ZNF608: variants seen among roughly 807,000 people sequenced by gnomAD.
ZNF608 encodes the protein zinc finger protein 608, also known as renal carcinoma antigen NY-REN-36.
A neutral mutation model predicts 109.0 loss-of-function variants in ZNF608; 12 were observed. That is an observed-to-expected ratio of 0.11 (90% CI 0.07 to 0.18). The LOEUF (loss-of-function observed/expected upper bound fraction) is 0.18, where lower values mean the gene tolerates loss of function less well. Among genes scored for constraint, ZNF608 ranks in the 10% least tolerant of loss-of-function variants. The pLI, the probability that ZNF608 is intolerant of heterozygous loss-of-function variation, is 1.00. For synonymous variants in ZNF608, 732 were observed against 717.4 expected (o/e 1.02, Z -0.33); for missense variants, 1,707 against 1,879.3 (o/e 0.91, Z 1.70).
At chr5:124,727,620 TTA>T (rs1230640530) in intron 2 of ZNF608, among the ~76,000 whole-genome samples, 1 of 141,066 alleles carries the variant, frequency 7.1e-6, no homozygotes, top group East Asian at 2.0e-4. Flanking sequence ...CACTTCTTAG[TTA>T]TAAAAGTCCC....
At chr5:124,691,683 A>G (rs1448059626) in intron 3 of ZNF608, among the ~76,000 whole-genome samples, 2 of 152,228 alleles carry the variant, frequency 1.3e-5, no homozygotes, top group African/African-American at 2.4e-5. Context: ...GACACCATGC[A>G]TGAGCCTTAA....
intron 3 of ZNF608, among the ~76,000 whole-genome samples, chr5:124,676,719 T>C (rs1751961092): frequency 6.6e-6 from 1 of 152,142 alleles, no homozygotes; most frequent in Non-Finnish European, 1.5e-5. Flanking sequence ...TAAATAATAA[T>C]GGTATATTCA....
At chr5:124,649,521 GCA>G (rs1475930230) in intron 4 of ZNF608, 87 bp downstream of exon 4, 2 of 1,060,822 alleles carry the variant, frequency 1.9e-6, no homozygotes, top group East Asian at 5.2e-5. Flanking sequence ...TCAATTACAG[GCA>G]CACTTTTATG....
chr5:124,743,974 C>A, intron 2 of ZNF608, 110 bp downstream of exon 2: 1 of 1,451,054 alleles, frequency 6.9e-7, no homozygotes, highest in Admixed American at 2.3e-5. Flanking sequence ...AGAAATCTCA[C>A]AAAGAACCAG....
intron 2 of ZNF608, among the ~76,000 whole-genome samples, chr5:124,742,374 C>T (rs1375728532): frequency 1.3e-5 from 2 of 152,200 alleles, no homozygotes; most frequent in African/African-American, 4.8e-5. Flanking sequence ...TTCCAAGCAG[C>T]CAGTGAATCC....
Position 124,720,793 on chromosome 5 carries a change from A to G in ZNF608, c.907-19524T>C, listed in dbSNP as rs1580692932. Among the ~76,000 whole-genome samples, 9 of 150,984 alleles carry G rather than the reference A, an allele frequency of 6.0e-5. No homozygotes were observed. In the South Asian group the frequency reaches 1.9e-3, roughly 32 times the overall value. On this transcript the variant is annotated intron_variant, in intron 2 of 9. Coordinates refer to ENST00000513986, the MANE Select transcript of ZNF608 (RefSeq NM_020747.3). ...CTCATAATATCTAATTACACTCCCAACTCCTGGGCTGGCTTTTTTTTCCTT... is the reference window on the plus strand; with the variant it reads ...CTCATAATATCTAATTACACTCCCAGCTCCTGGGCTGGCTTTTTTTTCCTT...
chr5:124,682,166 A>C (rs966534731), intron 3 of ZNF608, among the ~76,000 whole-genome samples: 2 of 152,142 alleles, frequency 1.3e-5, no homozygotes, highest in African/African-American at 2.4e-5. Flanking sequence ...TCCGCCTCCC[A>C]GGTTCAAGCG....
chr5:124,638,842 A>C (rs889453222), intron 9 of ZNF608: 1 of 1,141,944 alleles, frequency 8.8e-7, no homozygotes, highest in Non-Finnish European at 1.1e-6. Context: ...ATAATAAAAC[A>C]AAGGGAGTCA....
intron 2 of ZNF608, among the ~76,000 whole-genome samples, chr5:124,741,394 G>GAAAAAAAA (rs34192958): frequency 1.5e-5 from 1 of 68,428 alleles, no homozygotes; most frequent in African/African-American, 5.7e-5. Context: ...CTTCCAACCA[G>GAAAAAAAA]AAAAAAAAAA....
chr5:124,720,526 G>A (rs1376553970), intron 2 of ZNF608, among the ~76,000 whole-genome samples: 3 of 152,066 alleles, frequency 2.0e-5, no homozygotes, highest in Non-Finnish European at 4.4e-5. Context: ...AGACTTTCAT[G>A]GTAAACATGT....
In ZNF608 at chr5:124,644,452, T is replaced by C. The variant is rs371653020; in HGVS notation, c.3915A>G (p.Ser1305=). 18 of 1,614,068 alleles carry C rather than the reference T, an allele frequency of 1.1e-5. No homozygotes were observed. In the African/African-American group the frequency reaches 2.3e-4, roughly 20 times the overall value. ...CATTTTTCAGCTTGCTCTCCTCCAT[T>C]GATTGAGAATCAGGATGCTTGGCCT... ...PKEAKHPDSQ[S]MEESKLKNDD... Residue 1305 remains serine, a synonymous_variant, in exon 6 of 10, where the codon TCA becomes TCG. Coordinates refer to ENST00000513986, the MANE Select transcript of ZNF608 (RefSeq NM_020747.3).
chr5:124,671,924 C>T (rs1306848134), intron 3 of ZNF608, among the ~76,000 whole-genome samples: 3 of 152,168 alleles, frequency 2.0e-5, no homozygotes, highest in Non-Finnish European at 4.4e-5. Context: ...AGGCATGAGC[C>T]ATTGTGTCCA....
chr5:124,656,880 C>A (rs1377347985), intron 3 of ZNF608, among the ~76,000 whole-genome samples: 1 of 149,724 alleles, frequency 6.7e-6, no homozygotes, highest in East Asian at 2.0e-4. Flanking sequence ...TCCCCATGGG[C>A]CTTATGGTTT....
chr5:124,741,375 C>T (rs1259887396), intron 2 of ZNF608, among the ~76,000 whole-genome samples: 1 of 139,272 alleles, frequency 7.2e-6, no homozygotes, highest in Non-Finnish European at 1.5e-5. Context: ...TTATGAATCT[C>T]CTGTGAACCT....
chr5:124,686,754 A>G (rs1050322619), intron 3 of ZNF608, among the ~76,000 whole-genome samples: 9 of 152,240 alleles, frequency 5.9e-5, no homozygotes, highest in Non-Finnish European at 1.3e-4. Flanking sequence ...AGTTACTTCA[A>G]AAGTTGTCTG....
chr5:124,677,760 T>A (rs1311798858), intron 3 of ZNF608, among the ~76,000 whole-genome samples: 1 of 152,128 alleles, frequency 6.6e-6, no homozygotes, highest in African/African-American at 2.4e-5. Context: ...ACAGAACAGC[T>A]TATTATGATC....
intron 3 of ZNF608, among the ~76,000 whole-genome samples, chr5:124,659,288 C>T (rs890710634): frequency 6.6e-6 from 1 of 152,144 alleles, no homozygotes; most frequent in Admixed American, 6.5e-5. Context: ...AACTCCCCCT[C>T]CATGCCACTC....
intron 2 of ZNF608, among the ~76,000 whole-genome samples, chr5:124,709,828 C>T (rs1400328049): frequency 6.6e-6 from 1 of 152,110 alleles, no homozygotes; most frequent in Non-Finnish European, 1.5e-5. Context: ...GAAAGGAGAC[C>T]ATCGTAAAGG....
chr5:124,648,048 G>A lies in ZNF608; in HGVS notation c.2336C>T (p.Thr779Ile). Residue 779 changes from threonine (T) to isoleucine (I), a missense_variant, in exon 5 of 10, where the codon ACA (threonine) becomes ATA (isoleucine). By Grantham distance (89) the Thr-to-Ile change is moderately conservative. Transcript: ENST00000513986. ...PSLTTTVVQA[T>I]PKSPPLKPIQ... The stretch of plus-strand genomic sequence containing the variant: ...GGGTTTTAACGGAGGACTCTTTGGT[G>A]TAGCCTGAACAACAGTTGTTGTGAG... The A allele has an allele frequency of 6.2e-7, 1 of 1,614,074 alleles. No individual in the cohort carries two copies. The highest frequency in any genetic ancestry group is 8.5e-7 in the Non-Finnish European group (1 of 1,180,022).
Sources: allele counts gnomAD v4.1 joint callset (sites outside exome capture counted in the v4.1 genomes callset), GRCh38; gene constraint gnomAD v4.1.1; transcripts MANE v1.5; gene names NCBI Gene and HGNC (gene_info 2026-07-23, HGNC 2026-07-21).